SAMSN1: variants seen among roughly 807,000 people sequenced by gnomAD.
SAMSN1 encodes the protein SAM domain-containing protein SAMSN-1.
Under a neutral mutation model 42.0 loss-of-function variants are expected in SAMSN1, and 31 were observed. The observed-to-expected ratio is 0.74, with a 90% CI of 0.55 to 1.00. SAMSN1 has a LOEUF of 1.00. SAMSN1 is among the 50% of genes least tolerant of loss of function. The probability of loss-of-function intolerance (pLI) is 0.00; values close to 1 mark genes in which losing one functional copy is unlikely to be tolerated. For synonymous variants in SAMSN1, 178 were observed against 151.9 expected, an observed-to-expected ratio of 1.17 and a Z score of -1.26; for missense variants, 464 against 439.4, an observed-to-expected ratio of 1.06 and a Z score of -0.50.
In SAMSN1 at chr21:14,486,009, A is replaced by C; in HGVS notation, c.1025T>G (p.Ile342Ser). ...DDCPRDSGCY[I>S]SSGNSDNGKE... is the part of the protein sequence containing the mutation. ...GCCATTATCTGAATTTCCTGATGAGATATAGCAACCAGAGTCCCTTGGGCA... is the reference window on the plus strand; with the variant it reads ...GCCATTATCTGAATTTCCTGATGAGCTATAGCAACCAGAGTCCCTTGGGCA... The change falls in exon 8 of 8, where the codon ATC (isoleucine) becomes AGC (serine). Residue 342 changes from isoleucine to serine, a missense_variant. Ile to Ser is a moderately radical substitution (Grantham distance 142). Coordinates refer to ENST00000400566, the MANE Select transcript of SAMSN1 (RefSeq NM_022136.5). 6.2e-7 allele frequency: 1 copy of C among 1,613,642 alleles called. No homozygotes were observed. Among genetic ancestry groups the C allele is most frequent in the Non-Finnish European group, 8.5e-7 (1 of 1,179,632 alleles).
intron 4 of SAMSN1, among the ~76,000 whole-genome samples, chr21:14,611,092 A>AT (rs11459704): frequency 0.058 from 8,471 of 145,328 alleles, 755 homozygotes; most frequent in African/African-American, 0.2. Flanking sequence ...GGATAGGCAC[A>AT]TTTTTTTTTT....
intron 6 of SAMSN1, among the ~76,000 whole-genome samples, chr21:14,499,904 CA>C (rs1987073960): frequency 1.3e-5 from 2 of 151,978 alleles, no homozygotes; most frequent in African/African-American, 4.8e-5. Flanking sequence ...AAATGGATTG[CA>C]AAACTGTAAA....
chr21:14,620,526 T>C (rs942047339), intron 2 of SAMSN1, among the ~76,000 whole-genome samples: 4 of 152,224 alleles, frequency 2.6e-5, no homozygotes, highest in African/African-American at 9.6e-5. Flanking sequence ...TATTTCTTTA[T>C]AGCAGTGTGA....
intron 1 of SAMSN1, among the ~76,000 whole-genome samples, chr21:14,644,009 A>G (rs1261387406): frequency 2.6e-5 from 4 of 152,208 alleles, no homozygotes; most frequent in Non-Finnish European, 4.4e-5. Flanking sequence ...TCTGATCCCA[A>G]TGGTCCAAGG....
At chr21:14,643,088 C>G (rs1483068850) in exon 2 of SAMSN1, 1 of 717,186 alleles carries the variant, frequency 1.4e-6, no homozygotes, top group African/African-American at 1.7e-5. Flanking sequence ...TCTTGGTTAG[C>G]TTGTTGCTCT....
intron 2 of SAMSN1, among the ~76,000 whole-genome samples, chr21:14,560,512 G>T (rs555310147): frequency 6.6e-6 from 1 of 152,268 alleles, no homozygotes; most frequent in African/African-American, 2.4e-5. Flanking sequence ...TATGCAGACA[G>T]GAGAGCTCTA....
At chr21:14,530,281 C>T (rs1393929841) in intron 1 of SAMSN1, among the ~76,000 whole-genome samples, 6 of 139,150 alleles carry the variant, frequency 4.3e-5, no homozygotes, top group Admixed American at 2.4e-4. Flanking sequence ...TGAGCCAATG[C>T]GCTCCAGCCT....
intron 6 of SAMSN1, among the ~76,000 whole-genome samples, chr21:14,594,349 G>C (rs1441440685): frequency 6.6e-6 from 1 of 152,052 alleles, no homozygotes; most frequent in Non-Finnish European, 1.5e-5. Flanking sequence ...ATATGTGTAT[G>C]TGTCTATGTG....
At chr21:14,510,600 G>T in intron 4 of SAMSN1, 139 bp from the exon 5 acceptor site, 1 of 947,914 alleles carries the variant, frequency 1.1e-6, no homozygotes, top group Non-Finnish European at 1.6e-6. Flanking sequence ...CCATCCTGGT[G>T]TCTGTCTTCC....
intron 4 of SAMSN1, among the ~76,000 whole-genome samples, chr21:14,611,005 G>C (rs1982691937): frequency 6.6e-6 from 1 of 152,026 alleles, no homozygotes; most frequent in Non-Finnish European, 1.5e-5. Flanking sequence ...AGCTCATTGT[G>C]GCCTCAAATT....
chr21:14,551,737 G>A (rs1980602421), intron 2 of SAMSN1, among the ~76,000 whole-genome samples: 1 of 151,960 alleles, frequency 6.6e-6, no homozygotes, highest in Non-Finnish European at 1.5e-5. Context: ...AAATTATGCT[G>A]TGTGCTTTAT....
chr21:14,511,964 C>T (rs1039994008), intron 4 of SAMSN1, among the ~76,000 whole-genome samples: 1 of 151,562 alleles, frequency 6.6e-6, no homozygotes, highest in African/African-American at 2.4e-5. Context: ...AAATGTGCTA[C>T]ATTTTTCAGA....
intron 5 of SAMSN1, among the ~76,000 whole-genome samples, chr21:14,509,983 C>CA (rs1385150288): frequency 6.6e-6 from 1 of 151,242 alleles, no homozygotes; most frequent in Admixed American, 6.6e-5. Flanking sequence ...ACTAAAAATA[C>CA]AAAAAATTAG....
chr21:14,529,857 T>C (rs1323845679), intron 1 of SAMSN1, among the ~76,000 whole-genome samples: 2 of 152,228 alleles, frequency 1.3e-5, no homozygotes, highest in African/African-American at 2.4e-5. Flanking sequence ...TATGTGTCTA[T>C]GCCTATACCT....
At chr21:14,517,383 A>G (rs1482177438) in intron 2 of SAMSN1, among the ~76,000 whole-genome samples, 2 of 152,226 alleles carry the variant, frequency 1.3e-5, no homozygotes, top group African/African-American at 2.4e-5. Flanking sequence ...AACACCAGGT[A>G]TAAGGAGTTC....
rs573870042 is a variant in SAMSN1, at chr21:14,541,965, CTGGGTAACAGAA to C, written c.57+4228_57+4239del. 4.6e-3 allele frequency among the ~76,000 whole-genome samples: 641 copies of C among 140,802 alleles called. 4 individuals carry two copies. Among genetic ancestry groups the C allele is most frequent in the African/African-American group, 0.017 (613 of 37,050 alleles). The allele number at this position is 140,802 out of a possible 152,430, so 92.4% of individuals were successfully genotyped here. ...GTGGTGATTGTGCCTGCACTCAAGC[CTGGGTAACAGAA>C]TGAGACCCTGAAAAAAAAAAAAGGA... On this transcript the variant is annotated intron_variant, in intron 1 of 7. Transcript: ENST00000400566.
chr21:14,586,138 C>CTGTGG (rs1286667262), upstream of SAMSN1, among the ~76,000 whole-genome samples: 2 of 151,190 alleles, frequency 1.3e-5, no homozygotes, highest in Non-Finnish European at 2.9e-5. Flanking sequence ...TGGCATGCAC[C>CTGTGG]TGTGATCCCA....
intron 2 of SAMSN1, among the ~76,000 whole-genome samples, chr21:14,564,317 T>A (rs541134282): frequency 3.7e-4 from 57 of 152,118 alleles, no homozygotes; most frequent in Non-Finnish European, 7.4e-4. Flanking sequence ...TAGAAGTAGA[T>A]GAGAAGAAGG....
At chr21:14,605,852 A>ATTTT (rs890748252) in intron 5 of SAMSN1, among the ~76,000 whole-genome samples, 25 of 145,010 alleles carry the variant, frequency 1.7e-4, no homozygotes, top group African/African-American at 4.1e-4. Flanking sequence ...TTATTTATTT[A>ATTTT]TTTTTTTGAG....
Sources: allele counts gnomAD v4.1 joint callset (sites outside exome capture counted in the v4.1 genomes callset), GRCh38; gene constraint gnomAD v4.1.1; transcripts MANE v1.5; gene names NCBI Gene and HGNC (gene_info 2026-07-23, HGNC 2026-07-21).